GLIS1: variants seen among roughly 807,000 people sequenced by gnomAD.
The protein encoded by GLIS1 is zinc finger protein GLIS1.
GLIS1 carries 24 observed loss-of-function variants against 63.8 expected under a neutral mutation model. The observed-to-expected ratio is 0.38, with a 90% CI of 0.27 to 0.53. The LOEUF (loss-of-function observed/expected upper bound fraction) is 0.53. Among genes scored for constraint, GLIS1 ranks in the 20% least tolerant of loss-of-function variants. The pLI is 0.85. For missense variants in GLIS1, 1,036 were observed against 1,074.1 expected, an observed-to-expected ratio of 0.96 and a Z score of 0.50; for synonymous variants, 450 against 482.5, an observed-to-expected ratio of 0.93 and a Z score of 0.88.
chr1:53,728,746 C>A (rs971489674), intron 2 of GLIS1, among the ~76,000 whole-genome samples: 2 of 152,144 alleles, frequency 1.3e-5, no homozygotes, highest in African/African-American at 4.8e-5. Context: ...GAAAAGAAGG[C>A]CAGGTAAAGA....
chr1:53,652,836 G>A (rs1423468526), intron 2 of GLIS1, among the ~76,000 whole-genome samples: 1 of 152,166 alleles, frequency 6.6e-6, no homozygotes, highest in Non-Finnish European at 1.5e-5. Context: ...AATGAGGCAG[G>A]GGGCATGACA....
intron 2 of GLIS1, among the ~76,000 whole-genome samples, chr1:53,725,463 G>A (rs1345294313): frequency 6.6e-6 from 1 of 152,204 alleles, no homozygotes; most frequent in Non-Finnish European, 1.5e-5. Flanking sequence ...GAGACTGTCT[G>A]AGGTCATGAG....
chr1:53,640,604 T>C (rs1176594312), intron 2 of GLIS1, among the ~76,000 whole-genome samples: 1 of 152,226 alleles, frequency 6.6e-6, no homozygotes, highest in Non-Finnish European at 1.5e-5. Flanking sequence ...TGCTATGTGC[T>C]GGCCCCTCTC....
intron 4 of GLIS1, among the ~76,000 whole-genome samples, chr1:53,552,485 A>G (rs1644770222): frequency 6.6e-6 from 1 of 152,230 alleles, no homozygotes; most frequent in South Asian, 2.1e-4. Context: ...TTTTAAGCCA[A>G]CCACAAAGAT....
At chr1:53,562,813 A>G (rs1644904942) in intron 4 of GLIS1, among the ~76,000 whole-genome samples, 1 of 152,240 alleles carries the variant, frequency 6.6e-6, no homozygotes, top group Admixed American at 6.5e-5. Flanking sequence ...GAAATGATGC[A>G]TGCAAAGCAC....
At chr1:53,660,100 T>G (rs1646010163) in intron 2 of GLIS1, among the ~76,000 whole-genome samples, 1 of 152,180 alleles carries the variant, frequency 6.6e-6, no homozygotes, top group African/African-American at 2.4e-5. Flanking sequence ...TTCCCAGACA[T>G]TCTCCAGGTT....
chr1:53,635,864 C>G (rs1028045884), intron 2 of GLIS1, among the ~76,000 whole-genome samples: 9 of 152,058 alleles, frequency 5.9e-5, no homozygotes. Flanking sequence ...GGACAAATTC[C>G]TAGGAAAATA....
At chr1:53,556,009 GGT>G (rs1353432398) in intron 4 of GLIS1, among the ~76,000 whole-genome samples, 6 of 127,656 alleles carry the variant, frequency 4.7e-5, no homozygotes, top group East Asian at 5.3e-4. Flanking sequence ...GTATACTGCA[GGT>G]GTGTGTGTGT....
chr1:53,723,132 CA>C (rs915624261), intron 2 of GLIS1, among the ~76,000 whole-genome samples: 21 of 142,652 alleles, frequency 1.5e-4, no homozygotes, highest in Non-Finnish European at 2.4e-4. Flanking sequence ...GACTCTGTCT[CA>C]AAAAAAATAA....
chr1:53,657,727 C>T (rs932905958), intron 2 of GLIS1, among the ~76,000 whole-genome samples: 2 of 152,142 alleles, frequency 1.3e-5, no homozygotes, highest in Non-Finnish European at 2.9e-5. Context: ...CTGACTGCCA[C>T]CAAAGGGACC....
chr1:53,572,984 G>C (rs80181709), intron 4 of GLIS1, among the ~76,000 whole-genome samples: 1,725 of 152,290 alleles, frequency 0.011, 28 homozygotes, highest in African/African-American at 0.035. Flanking sequence ...GCTCAGAACA[G>C]AGCCTAGCAC....
At position 53,526,744 on chromosome 1, in the gene GLIS1, T is replaced by G. The variant is rs898868785; in HGVS notation, c.1483-1857A>C. ...AAAGCAAACAAGCTGGCTCTGTGTCTGCCGGCACATTCGCCTGGAAACGGG... is the reference window on the plus strand; with the variant it reads ...AAAGCAAACAAGCTGGCTCTGTGTCGGCCGGCACATTCGCCTGGAAACGGG... On this transcript the variant is annotated intron_variant, in intron 5 of 10. Coordinates refer to ENST00000628545, the MANE Select transcript of GLIS1 (RefSeq NM_001367484.1). The surrounding 1 kb of genome is among the most constrained non-coding windows in gnomAD (Gnocchi z 4.4). 2.6e-5 allele frequency among the ~76,000 whole-genome samples: 4 copies of G among 152,276 alleles called. No homozygotes were observed. The highest frequency in any genetic ancestry group is 5.9e-5 in the Non-Finnish European group (4 of 68,052).
chr1:53,692,377 T>C (rs541717785), intron 2 of GLIS1, among the ~76,000 whole-genome samples: 7 of 152,162 alleles, frequency 4.6e-5, no homozygotes, highest in Admixed American at 6.5e-5. Context: ...TGGTATCCAA[T>C]GTACTTGAGA....
chr1:53,736,423 A>G (rs1646913207), intron 2 of GLIS1, among the ~76,000 whole-genome samples: 1 of 152,200 alleles, frequency 6.6e-6, no homozygotes, highest in African/African-American at 2.4e-5. Context: ...TGATTTTTTT[A>G]AACACAGAAC....
chr1:53,551,565 C>A (rs1644759892), intron 4 of GLIS1, among the ~76,000 whole-genome samples: 1 of 152,154 alleles, frequency 6.6e-6, no homozygotes, highest in Non-Finnish European at 1.5e-5. Flanking sequence ...TTGCTTAGAG[C>A]CCTGGGGCTT....
chr1:53,585,229 G>A (rs1569867550), intron 4 of GLIS1, among the ~76,000 whole-genome samples: 1 of 152,006 alleles, frequency 6.6e-6, no homozygotes, highest in African/African-American at 2.4e-5. Context: ...GGGGAGGTGG[G>A]GGAAGGAACA....
chr1:53,730,043 T>C (rs185980733), intron 2 of GLIS1, among the ~76,000 whole-genome samples: 1 of 152,320 alleles, frequency 6.6e-6, no homozygotes. Context: ...CTTAAAATTA[T>C]ATTATCATTC....
At chr1:53,564,103 G>A (rs17385817) in intron 4 of GLIS1, among the ~76,000 whole-genome samples, 5,943 of 152,308 alleles carry the variant, frequency 0.039, 158 homozygotes, top group Middle Eastern at 0.082. Context: ...TGTAAGTAGA[G>A]CTAAACGCAC....
intron 4 of GLIS1, among the ~76,000 whole-genome samples, chr1:53,552,658 C>A (rs1266507179): frequency 6.6e-6 from 1 of 152,196 alleles, no homozygotes; most frequent in Non-Finnish European, 1.5e-5. Context: ...ATCCTCCCAG[C>A]TGAATCGGCT....
Sources: gnomAD v4.1 joint callset for allele counts (sites outside exome capture counted in the v4.1 genomes callset) on GRCh38, gnomAD v4.1.1 for gene constraint, Gnocchi (gnomAD v3.1) non-coding constraint, MANE v1.5 for transcripts, NCBI Gene and HGNC (gene_info 2026-07-23, HGNC 2026-07-21) for gene names.